Variants in STK39 observed in about 807,000 individuals in gnomAD.
STK39 encodes the protein STE20/SPS1-related proline-alanine-rich protein kinase.
Under a neutral mutation model 77.8 loss-of-function variants are expected in STK39, and 20 were observed. That is an observed-to-expected ratio of 0.26 (90% confidence interval 0.18 to 0.37). STK39 has a LOEUF of 0.37. Ranked by LOEUF, STK39 falls within the 10% of genes least tolerant of loss-of-function variation. The pLI is 1.00. For missense variants in STK39, 479 were observed against 656.5 expected, an observed-to-expected ratio of 0.73 and a Z score of 2.95; for synonymous variants, 246 against 234.1, an observed-to-expected ratio of 1.05 and a Z score of -0.47.
At chr2:168,045,347 G>A (rs1685211059) in intron 14 of STK39, among the ~76,000 whole-genome samples, 1 of 151,934 alleles carries the variant, frequency 6.6e-6, no homozygotes, top group African/African-American at 2.4e-5. Flanking sequence ...CAGGCCCCCT[G>A]CCTCACCCAC....
chr2:168,241,001 T>C (rs1255145235), intron 1 of STK39, among the ~76,000 whole-genome samples: 1 of 152,184 alleles, frequency 6.6e-6, no homozygotes, highest in Non-Finnish European at 1.5e-5. Flanking sequence ...CTTGGGTTTC[T>C]TAGGGAAAGG....
At chr2:167,998,250 G>GGTTTAGCT in intron 16 of STK39, among the ~76,000 whole-genome samples, 1 of 152,152 alleles carries the variant, frequency 6.6e-6, no homozygotes, top group Non-Finnish European at 1.5e-5. Context: ...AGCTAAACAA[G>GGTTTAGCT]AACTTACTTT....
intron 14 of STK39, among the ~76,000 whole-genome samples, chr2:168,039,416 C>A (rs1230507650): frequency 2.9e-5 from 1 of 34,300 alleles, no homozygotes; most frequent in Non-Finnish European, 8.7e-5. Flanking sequence ...CAAGGTGAAA[C>A]CCCGTCTCTA....
intron 1 of STK39, among the ~76,000 whole-genome samples, chr2:168,201,918 C>T (rs149142848): frequency 7.4e-4 from 112 of 152,300 alleles, no homozygotes; most frequent in African/African-American, 2.5e-3. Flanking sequence ...CTCTAGTTGT[C>T]ATTAAAAGCA....
intron 1 of STK39, among the ~76,000 whole-genome samples, chr2:168,237,273 G>A (rs1690638319): frequency 6.6e-6 from 1 of 152,172 alleles, no homozygotes; most frequent in Admixed American, 6.5e-5. Context: ...AAGAATGCTT[G>A]TGATTTTTGC....
At chr2:168,212,834 TC>T (rs1689925754) in intron 1 of STK39, among the ~76,000 whole-genome samples, 2 of 152,212 alleles carry the variant, frequency 1.3e-5, no homozygotes, top group South Asian at 4.1e-4. Context: ...TTGTAAATGT[TC>T]CCAGTGTTAC....
chr2:168,168,836 A>T (rs1472630713), intron 2 of STK39, among the ~76,000 whole-genome samples: 1 of 152,154 alleles, frequency 6.6e-6, no homozygotes, highest in East Asian at 1.9e-4. Flanking sequence ...CAAAAAAATT[A>T]GCTGAGTGTG....
chr2:167,989,142 G>T (rs1340946853), intron 16 of STK39, among the ~76,000 whole-genome samples: 3 of 152,200 alleles, frequency 2.0e-5, no homozygotes, highest in African/African-American at 7.2e-5. Flanking sequence ...TTCATCAGCT[G>T]CTTCAGGGCT....
chr2:168,054,795 C>A (rs1326076613), intron 14 of STK39, among the ~76,000 whole-genome samples: 1 of 151,686 alleles, frequency 6.6e-6, no homozygotes, highest in Non-Finnish European at 1.5e-5. Context: ...AAAACTCACA[C>A]ACACACAAAA....
At chr2:168,185,942 C>T (rs2105639872) in intron 1 of STK39, among the ~76,000 whole-genome samples, 1 of 152,278 alleles carries the variant, frequency 6.6e-6, no homozygotes, top group South Asian at 2.1e-4. Flanking sequence ...AGGATCACTT[C>T]CTCTGCAGAA....
At chr2:168,040,175 T>C (rs1010607376) in intron 14 of STK39, among the ~76,000 whole-genome samples, 1 of 152,118 alleles carries the variant, frequency 6.6e-6, no homozygotes, top group Non-Finnish European at 1.5e-5. Flanking sequence ...TTTATATTAC[T>C]AACATTGAGA....
In STK39 at chr2:168,164,360, G is replaced by A. The variant is rs141463640; in HGVS notation, c.431-480C>T. 4.9e-3 allele frequency among the ~76,000 whole-genome samples: 743 copies of A among 152,176 alleles called. 7 individuals carry two copies. The highest frequency in any genetic ancestry group is 0.017 in the African/African-American group (697 of 41,542). On this transcript the variant is annotated intron_variant, in intron 3 of 17. Transcript: ENST00000355999. Reference sequence around the variant, plus strand: ...TGTTTCTAGACCTCTGCTTATAACCGGAAGATTCCTTCCTGTGACACTACC... The same window carrying A: ...TGTTTCTAGACCTCTGCTTATAACCAGAAGATTCCTTCCTGTGACACTACC...
intron 14 of STK39, among the ~76,000 whole-genome samples, chr2:168,058,019 T>A (rs34191763): frequency 0.12 from 18,554 of 152,018 alleles, 1,437 homozygotes; most frequent in Non-Finnish European, 0.17. Flanking sequence ...ATGCTTTTTT[T>A]AAAAAAAATC....
intron 2 of STK39, among the ~76,000 whole-genome samples, chr2:168,179,075 A>T (rs117685983): frequency 6.6e-6 from 1 of 152,138 alleles, no homozygotes; most frequent in Admixed American, 6.5e-5. Context: ...TTTCTATGAC[A>T]TAACACTCTC....
intron 14 of STK39, among the ~76,000 whole-genome samples, chr2:168,027,612 G>A (rs912562540): frequency 2.6e-5 from 4 of 152,110 alleles, no homozygotes; most frequent in East Asian, 1.9e-4. Flanking sequence ...ACACGTACAT[G>A]CACACGTGTG....
intron 14 of STK39, among the ~76,000 whole-genome samples, chr2:168,038,332 G>C (rs184834521): frequency 5.1e-4 from 78 of 151,716 alleles, no homozygotes; most frequent in African/African-American, 1.8e-3. Context: ...CTAACAAATG[G>C]GGTTGGCACA....
intron 16 of STK39, among the ~76,000 whole-genome samples, chr2:167,976,026 A>G (rs896266455): frequency 6.6e-6 from 1 of 152,186 alleles, no homozygotes; most frequent in African/African-American, 2.4e-5. Context: ...TCCCTCACAG[A>G]TACTGATCTT....
chr2:168,072,466 T>C (rs924834762), intron 12 of STK39, among the ~76,000 whole-genome samples: 8 of 152,180 alleles, frequency 5.3e-5, no homozygotes, highest in Non-Finnish European at 1.2e-4. Flanking sequence ...CCCCATCCCA[T>C]TCTGTTTCTT....
At chr2:168,158,932 T>A (rs1293642991) in intron 5 of STK39, among the ~76,000 whole-genome samples, 1 of 152,214 alleles carries the variant, frequency 6.6e-6, no homozygotes, top group Non-Finnish European at 1.5e-5. Flanking sequence ...CATTATCCTA[T>A]CCACCACACT....
Sources: gnomAD v4.1 joint callset for allele counts (sites outside exome capture counted in the v4.1 genomes callset) on GRCh38, gnomAD v4.1.1 for gene constraint, MANE v1.5 for transcripts, NCBI Gene and HGNC (gene_info 2026-07-23, HGNC 2026-07-21) for gene names.